Variants in ATP6V1B1 observed in about 807,000 individuals in gnomAD.
ATP6V1B1 encodes the protein V-type proton ATPase subunit B, kidney isoform.
ATP6V1B1 carries 41 observed loss-of-function variants against 62.1 expected under a neutral mutation model. That is an observed-to-expected ratio of 0.66 (90% CI 0.51 to 0.86). The LOEUF (loss-of-function observed/expected upper bound fraction) is 0.86, where lower values mean the gene tolerates loss of function less well. Ranked by LOEUF, ATP6V1B1 falls within the 40% of genes least tolerant of loss-of-function variation. The probability of loss-of-function intolerance (pLI) is 0.00; values close to 1 mark genes in which losing one functional copy is unlikely to be tolerated. For synonymous variants in ATP6V1B1, 253 were observed against 273.4 expected, an observed-to-expected ratio of 0.93 and a Z score of 0.74; for missense variants, 651 against 697.5, an observed-to-expected ratio of 0.93 and a Z score of 0.75.
In ATP6V1B1 at chr2:70,964,732, C is replaced by T; in HGVS notation, c.1249-4C>T. ...CGGCCACCGACGCCTTGCCCCTCCC[C>T]CAGTACGCCTGCTATGCCATCGGGA... is the stretch of plus-strand genomic sequence containing the variant. On this transcript the variant is annotated splice_region_variant and splice_polypyrimidine_tract_variant and intron_variant, in intron 12 of 13. Coordinates refer to ENST00000234396, the MANE Select transcript of ATP6V1B1 (RefSeq NM_001692.4). 1 of 1,613,740 alleles carries T rather than the reference C, an allele frequency of 6.2e-7. No homozygotes were observed. The highest frequency in any genetic ancestry group is 8.5e-7 in the Non-Finnish European group (1 of 1,179,970).
chr2:70,954,809 A>G (rs2104820967), intron 2 of ATP6V1B1, among the ~76,000 whole-genome samples: 1 of 152,184 alleles, frequency 6.6e-6, no homozygotes, highest in South Asian at 2.1e-4. Context: ...GATTATGATT[A>G]TGGCTTACTC....
At chr2:70,944,083 G>C in intron 2 of ATP6V1B1, 1 of 1,292,844 alleles carries the variant, frequency 7.7e-7, no homozygotes, top group Non-Finnish European at 1.0e-6. Context: ...CTCCTCGAGG[G>C]CTAGACTCTC....
chr2:70,955,756 C>G (rs1007360799), intron 2 of ATP6V1B1: 5 of 151,904 alleles, frequency 3.3e-5, no homozygotes, highest in African/African-American at 9.7e-5. Flanking sequence ...CTCTGCTAGG[C>G]AAAAAAACAA....
In ATP6V1B1 at chr2:70,959,022, G is replaced by A; in HGVS notation, c.372G>A (p.Arg124=). Residue 124 remains arginine, a synonymous_variant, in exon 5 of 14, where the codon CGG becomes CGA. Coordinates refer to ENST00000234396, the MANE Select transcript of ATP6V1B1 (RefSeq NM_001692.4). The surrounding 1 kb of genome is among the most constrained non-coding windows in gnomAD (Gnocchi z 4.2). ...RTPVSEDMLG[R]VFNGSGKPID... is the part of the protein sequence containing the mutation. Reference sequence around the variant, plus strand: ...ACACTCCTCGTCCACCCTCAGGTCGGGTTTTCAATGGCTCCGGCAAGCCCA... The same window carrying A: ...ACACTCCTCGTCCACCCTCAGGTCGAGTTTTCAATGGCTCCGGCAAGCCCA... 1 of 1,614,094 alleles carries A rather than the reference G, an allele frequency of 6.2e-7. No homozygotes were observed. The highest frequency in any genetic ancestry group is 8.5e-7 in the Non-Finnish European group (1 of 1,179,990).
At chr2:70,943,763 C>T in intron 2 of ATP6V1B1, 50 bp downstream of exon 2, 1 of 1,604,368 alleles carries the variant, frequency 6.2e-7, no homozygotes, top group Non-Finnish European at 8.5e-7. Context: ...TCCCAGGGCG[C>T]CTCTCCCCTG....
intron 2 of ATP6V1B1, among the ~76,000 whole-genome samples, chr2:70,953,852 T>C (rs1680373447): frequency 6.6e-6 from 1 of 152,208 alleles, no homozygotes; most frequent in South Asian, 2.1e-4. Context: ...TCAGGATTAT[T>C]CTGGCTTTCA....
At chr2:70,938,293 G>A (rs1679907229) in intron 1 of ATP6V1B1, among the ~76,000 whole-genome samples, 2 of 152,116 alleles carry the variant, frequency 1.3e-5, no homozygotes, top group Non-Finnish European at 2.9e-5. Flanking sequence ...CTGTGGACAG[G>A]CGCAGGGCTG....
rs782803996 is a variant in ATP6V1B1, at chr2:70,936,091, G to A, written c.118+19G>A. 76 of 1,610,796 alleles carry A rather than the reference G, an allele frequency of 4.7e-5. No homozygotes were observed. Among genetic ancestry groups the A allele is most frequent in the Admixed American group, 2.5e-4 (15 of 59,990 alleles). The stretch of plus-strand genomic sequence containing the variant: ...CGTGTCAGTGAGTAGCCCCTCCACC[G>A]TGACGGGTGAGGTCAGGGTGGGGAG... On this transcript the variant is annotated intron_variant, in intron 1 of 13. Transcript: ENST00000234396.
intron 4 of ATP6V1B1, 129 bp downstream of exon 4, chr2:70,958,555 T>G: frequency 1.1e-6 from 1 of 889,186 alleles, no homozygotes; most frequent in Admixed American, 2.1e-5. Context: ...TGGTGGGCTC[T>G]TTGAGGTCTG....
intron 2 of ATP6V1B1, 33 bp from the exon 3 acceptor site, chr2:70,958,013 C>T (rs782092461): frequency 6.3e-7 from 1 of 1,597,018 alleles, no homozygotes; most frequent in South Asian, 1.1e-5. Flanking sequence ...CCTCCAGTCT[C>T]ACTGTCACGT....
At chr2:70,960,205 C>G in intron 6 of ATP6V1B1, 127 bp downstream of exon 6, 1 of 1,402,612 alleles carries the variant, frequency 7.1e-7, no homozygotes, top group Non-Finnish European at 9.7e-7. Flanking sequence ...TCGCCAGCAT[C>G]GAGACTGGCA....
At chr2:70,943,467 C>T (rs1470337714) in intron 1 of ATP6V1B1, 191 bp from the exon 2 acceptor site, 2 of 713,264 alleles carry the variant, frequency 2.8e-6, no homozygotes, top group East Asian at 2.7e-5. Flanking sequence ...GTCCGAGCAG[C>T]AGGGGCCCTG....
chr2:70,964,143 A>G, intron 11 of ATP6V1B1: 1 of 82,908 alleles, frequency 1.2e-5, no homozygotes. Context: ...TTTTGCAGCT[A>G]TTAACCATTA....
At chr2:70,938,802 G>A (rs1553415955) in intron 1 of ATP6V1B1, 2 of 984,998 alleles carry the variant, frequency 2.0e-6, no homozygotes, top group East Asian at 1.1e-4. Context: ...GAGGGTGGAG[G>A]TGCCCAGCAG....
chr2:70,945,634 T>C (rs935924660), intron 2 of ATP6V1B1, among the ~76,000 whole-genome samples: 1 of 148,764 alleles, frequency 6.7e-6, no homozygotes, highest in Non-Finnish European at 1.5e-5. Flanking sequence ...AATTAGCATA[T>C]CCATCATCTC....
intron 1 of ATP6V1B1, among the ~76,000 whole-genome samples, chr2:70,937,398 G>T (rs1679882826): frequency 6.6e-6 from 1 of 152,122 alleles, no homozygotes; most frequent in Admixed American, 6.5e-5. Context: ...GCTGAGGGTG[G>T]AGCACATTCC....
At chr2:70,961,506 C>T (rs1680587061) in intron 7 of ATP6V1B1, 90 bp from the exon 8 acceptor site, 2 of 1,364,570 alleles carry the variant, frequency 1.5e-6, no homozygotes, top group South Asian at 2.3e-5. Flanking sequence ...CTGGTCAGTC[C>T]ACAGGCTTTC....
intron 2 of ATP6V1B1, among the ~76,000 whole-genome samples, chr2:70,945,675 G>A (rs553929897): frequency 8.1e-6 from 1 of 122,706 alleles, no homozygotes; most frequent in South Asian, 2.7e-4. Flanking sequence ...GGGAATATTA[G>A]TATCCTCTTT....
chr2:70,943,565 T>A, intron 1 of ATP6V1B1, 93 bp from the exon 2 acceptor site: 1 of 1,294,452 alleles, frequency 7.7e-7, no homozygotes, highest in Non-Finnish European at 1.1e-6. Flanking sequence ...GGAGGTGGGG[T>A]GTGGAGAGAG....
Sources: gnomAD v4.1 joint callset for allele counts (sites outside exome capture counted in the v4.1 genomes callset) on GRCh38, gnomAD v4.1.1 for gene constraint, Gnocchi (gnomAD v3.1) non-coding constraint, MANE v1.5 for transcripts, NCBI Gene and HGNC (gene_info 2026-07-23, HGNC 2026-07-21) for gene names.